Variants in NARS2 observed in about 807,000 individuals in gnomAD.
The protein encoded by NARS2 is asparaginyl-tRNA synthetase.
Under a neutral mutation model 62.9 loss-of-function variants are expected in NARS2, and 60 were observed. That is an observed-to-expected ratio of 0.95 (90% CI 0.77 to 1.18). The LOEUF (loss-of-function observed/expected upper bound fraction) is 1.18. NARS2 is among the 50% of genes most tolerant of loss of function. The probability of loss-of-function intolerance (pLI) is 0.00; values close to 1 mark genes in which losing one functional copy is unlikely to be tolerated. For missense variants in NARS2, 619 were observed against 576.4 expected, an observed-to-expected ratio of 1.07 and a Z score of -0.76; for synonymous variants, 196 against 200.0, an observed-to-expected ratio of 0.98 and a Z score of 0.17.
At chr11:78,531,365 A>G (rs561393921) in intron 5 of NARS2, among the ~76,000 whole-genome samples, 22 of 152,232 alleles carry the variant, frequency 1.4e-4, no homozygotes, top group Non-Finnish European at 2.1e-4. Flanking sequence ...AACTAAAATC[A>G]CACAAGGTAT....
At chr11:78,535,001 CAAGT>C (rs1251892046) in intron 5 of NARS2, among the ~76,000 whole-genome samples, 1 of 152,186 alleles carries the variant, frequency 6.6e-6, no homozygotes, top group African/African-American at 2.4e-5. Flanking sequence ...TAGTGGTACA[CAAGT>C]AAACCTGTGG....
At chr11:78,493,985 T>A (rs1224327660) in intron 6 of NARS2, among the ~76,000 whole-genome samples, 1 of 152,224 alleles carries the variant, frequency 6.6e-6, no homozygotes, top group Non-Finnish European at 1.5e-5. Context: ...GAACGTCAGA[T>A]ACATATTGCA....
At chr11:78,500,041 T>G (rs1860226043) in intron 6 of NARS2, among the ~76,000 whole-genome samples, 1 of 152,198 alleles carries the variant, frequency 6.6e-6, no homozygotes, top group Non-Finnish European at 1.5e-5. Context: ...ATGTACTACA[T>G]AGTGTTTAAG....
intron 5 of NARS2, among the ~76,000 whole-genome samples, chr11:78,540,266 G>A (rs559872956): frequency 6.6e-6 from 1 of 152,222 alleles, no homozygotes; most frequent in African/African-American, 2.4e-5. Flanking sequence ...GTTTCTTTGA[G>A]GATTTCCAAG....
chr11:78,464,530 G>C (rs922782679), intron 11 of NARS2, among the ~76,000 whole-genome samples: 15 of 152,120 alleles, frequency 9.9e-5, no homozygotes, highest in Admixed American at 9.8e-4. Context: ...AGATTAGCTA[G>C]ATACAGAGTG....
intron 6 of NARS2, among the ~76,000 whole-genome samples, chr11:78,520,132 G>A (rs944449708): frequency 6.6e-6 from 1 of 152,146 alleles, no homozygotes; most frequent in Non-Finnish European, 1.5e-5. Flanking sequence ...AGGCTGCCAT[G>A]AGAAATTGCT....
chr11:78,530,804 T>C (rs564035560), intron 5 of NARS2, among the ~76,000 whole-genome samples: 2 of 152,326 alleles, frequency 1.3e-5, no homozygotes, highest in East Asian at 3.9e-4. Context: ...TCAGCACTTG[T>C]ACAGAATGAT....
At chr11:78,464,176 G>A (rs567964448) in intron 11 of NARS2, among the ~76,000 whole-genome samples, 3 of 152,018 alleles carry the variant, frequency 2.0e-5, no homozygotes, top group East Asian at 1.9e-4. Context: ...TAGGCGGCGT[G>A]TCTGGAGTTC....
chr11:78,475,259 A>C (rs1332705212), intron 9 of NARS2, among the ~76,000 whole-genome samples: 1 of 152,178 alleles, frequency 6.6e-6, no homozygotes, highest in Non-Finnish European at 1.5e-5. Context: ...TCCTTTGAAT[A>C]GTATTCCACT....
At chr11:78,519,546 TCTAC>T (rs1202006367) in intron 6 of NARS2, among the ~76,000 whole-genome samples, 19 of 152,306 alleles carry the variant, frequency 1.2e-4, no homozygotes, top group South Asian at 4.1e-4. Context: ...AGAATCATAC[TCTAC>T]CTGTTTCATA....
chr11:78,472,006 AAAT>A (rs1264176322), intron 9 of NARS2, among the ~76,000 whole-genome samples: 1 of 152,190 alleles, frequency 6.6e-6, no homozygotes, highest in Non-Finnish European at 1.5e-5. Context: ...AGAGCAGTCA[AAAT>A]AATAAGCAGT....
chr11:78,559,301 C>CAAAAAAAAAAA (rs10627726), intron 5 of NARS2, among the ~76,000 whole-genome samples: 1 of 58,450 alleles, frequency 1.7e-5, no homozygotes, highest in Non-Finnish European at 2.7e-5. Flanking sequence ...GACTCCATCT[C>CAAAAAAAAAAA]AAAAAAAAAA....
chr11:78,455,841 T>A lies in NARS2; in HGVS notation c.1164+10035A>T, dbSNP rs78122149. Among the ~76,000 whole-genome samples, 469 of 151,968 alleles carry A rather than the reference T, an allele frequency of 3.1e-3. 12 individuals carry two copies. The East Asian group carries it at 0.069, about 22-fold the overall frequency. ...ACTGCTGCACTGAGAGGTAGCAGCC[T>A]CATCTGTAAGAAAGGGATAAAAGTT... On this transcript the variant is annotated intron_variant, in intron 11 of 13. Transcript: ENST00000281038.
chr11:78,544,520 G>A (rs528326130), intron 5 of NARS2, among the ~76,000 whole-genome samples: 6 of 152,292 alleles, frequency 3.9e-5, no homozygotes, highest in South Asian at 2.1e-4. Flanking sequence ...CCGGCTGAGC[G>A]CAGTAGCTCA....
At chr11:78,481,694 G>T (rs370297013) in intron 7 of NARS2, among the ~76,000 whole-genome samples, 31 of 152,240 alleles carry the variant, frequency 2.0e-4, no homozygotes, top group African/African-American at 7.2e-4. Context: ...TTAGTTAGTT[G>T]TACTATAACA....
chr11:78,519,651 T>A (rs1456577517), intron 6 of NARS2, among the ~76,000 whole-genome samples: 1 of 152,162 alleles, frequency 6.6e-6, no homozygotes. Context: ...TCATAAATAA[T>A]TTAACCTTTA....
chr11:78,540,107 G>C (rs993372578), intron 5 of NARS2, among the ~76,000 whole-genome samples: 2 of 152,004 alleles, frequency 1.3e-5, no homozygotes, highest in Non-Finnish European at 2.9e-5. Flanking sequence ...TCTCTATTAT[G>C]CAAAACAAAA....
At chr11:78,545,888 A>G (rs867720015) in intron 5 of NARS2, among the ~76,000 whole-genome samples, 3 of 152,066 alleles carry the variant, frequency 2.0e-5, no homozygotes, top group African/African-American at 4.8e-5. Flanking sequence ...TGACCATCCA[A>G]TTTAAACTAG....
intron 7 of NARS2, among the ~76,000 whole-genome samples, chr11:78,491,550 G>C (rs1273915952): frequency 6.6e-6 from 1 of 152,224 alleles, no homozygotes; most frequent in African/African-American, 2.4e-5. Flanking sequence ...TCCAATGATT[G>C]GTTGATATGG....
Sources: allele counts gnomAD v4.1 joint callset (sites outside exome capture counted in the v4.1 genomes callset), GRCh38; gene constraint gnomAD v4.1.1; transcripts MANE v1.5; gene names NCBI Gene and HGNC (gene_info 2026-07-23, HGNC 2026-07-21).